Variants in FIG4 observed in about 807,000 individuals in gnomAD.
FIG4 encodes FIG4 phosphoinositide 5-phosphatase.
FIG4 carries 112 observed loss-of-function variants against 118.6 expected under a neutral mutation model. The ratio of observed to expected loss-of-function variants is 0.94; its 90% confidence interval spans 0.81 to 1.11. The LOEUF (loss-of-function observed/expected upper bound fraction) is 1.11. Among genes scored for constraint, FIG4 ranks in the 50% least tolerant of loss-of-function variants. The pLI, the probability that FIG4 is intolerant of heterozygous loss-of-function variation, is 0.00. For missense variants in FIG4, 969 were observed against 1,111.7 expected, an observed-to-expected ratio of 0.87 and a Z score of 1.83; for synonymous variants, 369 against 381.2, an observed-to-expected ratio of 0.97 and a Z score of 0.37.
chr6:109,820,444 G>C (rs1302786581), intron 22 of FIG4, among the ~76,000 whole-genome samples: 4 of 152,142 alleles, frequency 2.6e-5, no homozygotes, highest in Non-Finnish European at 5.9e-5. Flanking sequence ...CAGATAGCCA[G>C]TCCATCTGAA....
At position 109,766,837 on chromosome 6, in the gene FIG4, C is replaced by G. The variant is rs1340609696; in HGVS notation, c.1692C>G (p.Thr564=). 1.9e-6 allele frequency: 3 copies of G among 1,613,978 alleles called. No individual in the cohort carries two copies. The highest frequency in any genetic ancestry group is 1.7e-6 in the Non-Finnish European group (2 of 1,179,920). Reference sequence around the variant, plus strand: ...CCTACAGAAAGATAGCACCATGGACCCAGCACTCCAAAGACATCATGCAAA... The same window carrying G: ...CCTACAGAAAGATAGCACCATGGACGCAGCACTCCAAAGACATCATGCAAA... ...VKTYRKIAPW[T]QHSKDIMQTL... The change falls in exon 15 of 23, where the codon ACC becomes ACG. Residue 564 remains threonine, a synonymous_variant. Transcript: ENST00000230124.
At chr6:109,778,328 G>T (rs375519618) in intron 16 of FIG4, among the ~76,000 whole-genome samples, 16 of 151,874 alleles carry the variant, frequency 1.1e-4, no homozygotes, top group African/African-American at 3.9e-4. Flanking sequence ...AAAATAGCTG[G>T]GCATGGTGGT....
Position 109,796,792 on chromosome 6 carries a change from T to C in FIG4, c.2487T>C (p.His829=). 1 of 1,612,272 alleles carries C rather than the reference T, an allele frequency of 6.2e-7. No individual in the cohort carries two copies. The highest frequency in any genetic ancestry group is 8.5e-7 in the Non-Finnish European group (1 of 1,178,284). ...TTGTTCAGCTGGGGCAGAGTCAACA[T>C]AAACAAGACAAGAATAGCCAGCAGC... ...SRFVQLGQSQ[H]KQDKNSQQPC... is the part of the protein sequence containing the mutation. Residue 829 remains histidine (H), a synonymous_variant, in exon 22 of 23, where the codon CAT becomes CAC. Transcript: ENST00000230124.
chr6:109,706,464 T>A lies in FIG4; in HGVS notation c.67-8614T>A, dbSNP rs56944954. 8.2e-3 allele frequency among the ~76,000 whole-genome samples: 1,247 copies of A among 152,270 alleles called. 26 individuals carry two copies. Among genetic ancestry groups the A allele is most frequent in the African/African-American group, 0.027 (1,106 of 41,554 alleles). The stretch of plus-strand genomic sequence containing the variant: ...TAGCATGCTATTCATGATTGTCAAT[T>A]TGCATGCTCTTCTCTCCCGAGGACA... On this transcript the variant is annotated intron_variant, in intron 1 of 22. Transcript: ENST00000230124.
chr6:109,778,662 G>A (rs1486941100), intron 16 of FIG4, among the ~76,000 whole-genome samples: 4 of 151,806 alleles, frequency 2.6e-5, no homozygotes, highest in Admixed American at 1.3e-4. Context: ...GCAGTGGCGC[G>A]ATCTCAGCTC....
chr6:109,701,363 A>G (rs1329671637), intron 1 of FIG4, among the ~76,000 whole-genome samples: 1 of 152,234 alleles, frequency 6.6e-6, no homozygotes, highest in African/African-American at 2.4e-5. Context: ...AGTTTCCAGC[A>G]GAGATTCAGC....
intron 19 of FIG4, among the ~76,000 whole-genome samples, chr6:109,790,967 A>G (rs1778118921): frequency 1.3e-5 from 2 of 152,204 alleles, no homozygotes; most frequent in Non-Finnish European, 2.9e-5. Context: ...AGAGAAATAT[A>G]CATAGGTTTG....
chr6:109,735,416 G>A lies in FIG4; in HGVS notation c.646+118G>A, dbSNP rs528361440. 1.2e-4 allele frequency: 116 copies of A among 971,200 alleles called. No homozygotes were observed. In the Admixed American group the frequency reaches 1.4e-3, roughly 12 times the overall value. The allele number at this position is 971,200 out of a possible 1,614,324, so 60.2% of individuals were successfully genotyped here. On this transcript the variant is annotated intron_variant, in intron 6 of 22. Transcript: ENST00000230124. ...ATCCCTCTTTGCTGTTTGTCCTTAC[G>A]TGGGGTTGTTTTGGATATGTGAAGT...
intron 21 of FIG4, among the ~76,000 whole-genome samples, chr6:109,795,096 T>G (rs13216337): frequency 6.7e-5 from 1 of 14,878 alleles, no homozygotes; most frequent in South Asian, 2.8e-3. Flanking sequence ...CACTTGCCAG[T>G]TTTTTTTTTT....
chr6:109,774,136 T>C (rs1432200143), intron 15 of FIG4, among the ~76,000 whole-genome samples: 3 of 152,194 alleles, frequency 2.0e-5, no homozygotes, highest in Admixed American at 6.5e-5. Context: ...CTAAAGTATA[T>C]ATGTTAATTA....
chr6:109,725,514 T>A (rs1278706489), intron 3 of FIG4, among the ~76,000 whole-genome samples: 1 of 152,184 alleles, frequency 6.6e-6, no homozygotes, highest in Non-Finnish European at 1.5e-5. Flanking sequence ...TGATGAGCAT[T>A]TGGGTTGGTT....
chr6:109,764,287 A>C (rs1429021172), intron 13 of FIG4, among the ~76,000 whole-genome samples: 1 of 151,864 alleles, frequency 6.6e-6, no homozygotes, highest in African/African-American at 2.4e-5. Context: ...AAATACAAAA[A>C]ATTATCCGGG....
chr6:109,722,534 A>G (rs1775642824), intron 3 of FIG4, among the ~76,000 whole-genome samples: 1 of 152,128 alleles, frequency 6.6e-6, no homozygotes, highest in South Asian at 2.1e-4. Context: ...AGACACACAC[A>G]CACATACAGA....
intron 16 of FIG4, among the ~76,000 whole-genome samples, chr6:109,778,765 AT>A (rs550563784): frequency 1.6e-4 from 25 of 151,830 alleles, no homozygotes; most frequent in East Asian, 5.9e-4. Flanking sequence ...TGCCCAGCTA[AT>A]TTTTTTGTAT....
At chr6:109,786,507 G>GTA (rs916229098) in intron 18 of FIG4, 58 bp downstream of exon 18, 6 of 1,577,776 alleles carry the variant, frequency 3.8e-6, no homozygotes, top group East Asian at 2.2e-5. Context: ...TTCCTAGTTT[G>GTA]TATATATATG....
intron 1 of FIG4, among the ~76,000 whole-genome samples, chr6:109,692,449 C>T (rs574397374): frequency 6.6e-6 from 1 of 152,298 alleles, no homozygotes; most frequent in Non-Finnish European, 1.5e-5. Context: ...TCAGTTATAA[C>T]GTAGTCCTAA....
At chr6:109,725,301 T>A (rs967740112) in intron 3 of FIG4, among the ~76,000 whole-genome samples, 1 of 152,044 alleles carries the variant, frequency 6.6e-6, no homozygotes, top group South Asian at 2.1e-4. Flanking sequence ...CCCCTCCCTA[T>A]GTCTATGTGT....
chr6:109,695,604 A>G (rs942256495), intron 1 of FIG4, among the ~76,000 whole-genome samples: 35 of 150,592 alleles, frequency 2.3e-4, no homozygotes, highest in African/African-American at 8.0e-4. Context: ...ACACACAGAC[A>G]CACACACACA....
At chr6:109,806,471 G>A (rs1365745177) in intron 22 of FIG4, among the ~76,000 whole-genome samples, 1 of 151,934 alleles carries the variant, frequency 6.6e-6, no homozygotes, top group Non-Finnish European at 1.5e-5. Context: ...GCACACATGT[G>A]TGCACACACG....
Sources: allele counts gnomAD v4.1 joint callset (sites outside exome capture counted in the v4.1 genomes callset), GRCh38; gene constraint gnomAD v4.1.1; transcripts MANE v1.5; gene names NCBI Gene and HGNC (gene_info 2026-07-23, HGNC 2026-07-21).